NMI: variants seen among roughly 807,000 people sequenced by gnomAD.
NMI encodes N-myc-interactor.
Under a neutral mutation model 34.3 loss-of-function variants are expected in NMI, and 39 were observed. The observed-to-expected ratio is 1.14, with a 90% confidence interval of 0.88 to 1.49. NMI has a LOEUF of 1.49. Among genes scored for constraint, NMI ranks in the 40% most tolerant of loss-of-function variants. The probability of loss-of-function intolerance (pLI) is 0.00; values close to 1 mark genes in which losing one functional copy is unlikely to be tolerated. For synonymous variants in NMI, 113 were observed against 120.3 expected (o/e 0.94, Z 0.40); for missense variants, 339 against 358.1 (o/e 0.95, Z 0.43).
rs4038670 is a variant in NMI, at chr2:151,287,302, ATCTCTC to A, written c.-7+2285_-7+2290del. Among the ~76,000 whole-genome samples the A allele has an allele frequency of 1.9e-4, 27 of 143,844 alleles. No individual in the cohort carries two copies. In the East Asian group the frequency reaches 3.4e-3, roughly 18 times the overall value. 94.4% of individuals were successfully genotyped at this position (143,844 alleles called of 152,430 possible). A position where few individuals can be genotyped will look rare whatever the true frequency, so the allele number is the denominator to read the frequency against. On this transcript the variant is annotated intron_variant, in intron 1 of 7. Coordinates refer to ENST00000243346, the MANE Select transcript of NMI (RefSeq NM_004688.3). ...ATAAGTATATATATATTTAAACCAC[ATCTCTC>A]TCTCTCTCTCTCACACACATACACA...
intron 6 of NMI, among the ~76,000 whole-genome samples, chr2:151,272,222 TA>T (rs1683201285): frequency 3.3e-5 from 5 of 152,288 alleles, no homozygotes; most frequent in African/African-American, 1.2e-4. Context: ...TGAAAGGAAA[TA>T]AAAATTCATC....
chr2:151,276,058 G>A (rs1429829885), intron 4 of NMI, among the ~76,000 whole-genome samples, 194 bp from the exon 5 acceptor site: 1 of 152,036 alleles, frequency 6.6e-6, no homozygotes, highest in Non-Finnish European at 1.5e-5. Context: ...AATTTGGGGG[G>A]TCAGGGGGAA....
intron 1 of NMI, among the ~76,000 whole-genome samples, chr2:151,284,367 C>T (rs552662852): frequency 1.3e-5 from 2 of 152,164 alleles, no homozygotes; most frequent in African/African-American, 4.8e-5. Context: ...GGCATGAACA[C>T]GGCTCACTGC....
At chr2:151,280,137 G>A (rs1683361711) in intron 3 of NMI, among the ~76,000 whole-genome samples, 1 of 146,564 alleles carries the variant, frequency 6.8e-6, no homozygotes, top group African/African-American at 2.5e-5. Context: ...GGATGTTGTA[G>A]TGAACCGAGA....
intron 1 of NMI, among the ~76,000 whole-genome samples, chr2:151,286,811 C>T (rs1683506846): frequency 1.3e-5 from 2 of 152,190 alleles, no homozygotes; most frequent in South Asian, 2.1e-4. Flanking sequence ...CTATAATCAT[C>T]CACACTTCCA....
At chr2:151,286,263 G>A (rs1173845506) in intron 1 of NMI, among the ~76,000 whole-genome samples, 2 of 152,144 alleles carry the variant, frequency 1.3e-5, no homozygotes, top group Admixed American at 1.3e-4. Flanking sequence ...ATCTAAGCAT[G>A]AGGAAACATC....
intron 6 of NMI, among the ~76,000 whole-genome samples, chr2:151,272,327 CA>C (rs1683203735): frequency 6.6e-6 from 1 of 152,116 alleles, no homozygotes; most frequent in Non-Finnish European, 1.5e-5. Flanking sequence ...TAACATTTAA[CA>C]AAAACAGTTC....
intron 3 of NMI, among the ~76,000 whole-genome samples, chr2:151,281,001 T>C (rs572124065): frequency 2.2e-4 from 33 of 152,076 alleles, no homozygotes; most frequent in Admixed American, 5.9e-4. Flanking sequence ...CCACCATGCC[T>C]GGCTAATTTT....
intron 1 of NMI, among the ~76,000 whole-genome samples, chr2:151,284,710 T>A (rs899997235): frequency 3.3e-5 from 5 of 152,136 alleles, no homozygotes; most frequent in Non-Finnish European, 7.3e-5. Flanking sequence ...TTTACTGAGA[T>A]GAAAAACTCT....
chr2:151,270,859 G>A lies in NMI; in HGVS notation c.758C>T (p.Ser253Phe). Residue 253 changes from serine (S) to phenylalanine (F), a missense_variant, in exon 8 of 8, where the codon TCT becomes TTT. Ser to Phe is a radical substitution (Grantham distance 155, BLOSUM62 -2). Transcript: ENST00000243346. ...TCCTGTCAGAAGCACTGTCCTCTTA[G>A]ATGTTCCTGAAAATATCTAAGAAGG... ...LKKYQIFSGTSKRTVLLTGME... is the reference protein window; with the variant it reads ...LKKYQIFSGTFKRTVLLTGME... The A allele has an allele frequency of 1.2e-6, 2 of 1,611,488 alleles. No homozygotes were observed. Among genetic ancestry groups the A allele is most frequent in the Non-Finnish European group, 1.7e-6 (2 of 1,178,892 alleles).
At chr2:151,271,517 T>C in intron 7 of NMI, 109 bp downstream of exon 7, 1 of 705,098 alleles carries the variant, frequency 1.4e-6, no homozygotes, top group Non-Finnish European at 2.5e-6. Context: ...ACCATTTTGC[T>C]ATCCCTCATT....
chr2:151,277,862 C>G (rs1157580316), intron 4 of NMI: 2 of 152,194 alleles, frequency 1.3e-5, no homozygotes, highest in Non-Finnish European at 2.9e-5. Context: ...CACCACATAA[C>G]TTAAATAAAA....
rs775445006 is a variant in NMI, at chr2:151,275,794, G to C, written c.411C>G (p.Ala137=). 1 of 1,613,420 alleles carries C rather than the reference G, an allele frequency of 6.2e-7. No individual in the cohort carries two copies. Among genetic ancestry groups the C allele is most frequent in the Non-Finnish European group, 8.5e-7 (1 of 1,179,702 alleles). The change falls in exon 5 of 8, where the codon GCC becomes GCG. Residue 137 remains alanine, a synonymous_variant. Coordinates refer to ENST00000243346, the MANE Select transcript of NMI (RefSeq NM_004688.3). The stretch of plus-strand genomic sequence containing the variant: ...CTCCTGAATTTAATGGAACTGGCTT[G>C]GCCGTAACCTCCAGATTTACATCTT... ...QIKDVNLEVT[A]KPVPLNSGVR... is the part of the protein sequence containing the mutation.
intron 1 of NMI, among the ~76,000 whole-genome samples, chr2:151,288,061 T>A (rs1262814399): frequency 1.3e-5 from 2 of 152,240 alleles, no homozygotes; most frequent in Non-Finnish European, 2.9e-5. Context: ...ATCTGGATAC[T>A]TTTGCTCTAT....
chr2:151,271,726 T>G lies in NMI; in HGVS notation c.641A>C (p.Asp214Ala), dbSNP rs752704072. The G allele has an allele frequency of 1.3e-6, 2 of 1,519,788 alleles. No homozygotes were observed. Among genetic ancestry groups the G allele is most frequent in the South Asian group, 2.3e-5 (2 of 86,216 alleles). The allele number at this position is 1,519,788 out of a possible 1,614,324, so 94.1% of individuals were successfully genotyped here. A position where few individuals can be genotyped will look rare whatever the true frequency, so the allele number is the denominator to read the frequency against. Reference sequence around the variant, plus strand: ...GTATTCTTTCTTTTTCAAAATCTTGTCAGCCACTAAAAGCAAAACAAAAAC... The same window carrying G: ...GTATTCTTTCTTTTTCAAAATCTTGGCAGCCACTAAAAGCAAAACAAAAAC... The part of the protein sequence containing the change: ...VITFVEIGVA[D>A]KILKKKEYPL... The change falls in exon 7 of 8, where the codon GAC becomes GCC. Residue 214 changes from aspartate (D) to alanine (A), a missense_variant. Transcript: ENST00000243346.
chr2:151,271,481 G>A (rs1393693427), intron 7 of NMI, 145 bp downstream of exon 7: 3 of 640,070 alleles, frequency 4.7e-6, no homozygotes, highest in East Asian at 2.9e-5. Context: ...AACTCATTTT[G>A]CACCAAGCAA....
chr2:151,282,850 C>A lies in NMI; in HGVS notation c.81+18G>T. 1 of 1,221,526 alleles carries A rather than the reference C, an allele frequency of 8.2e-7. No individual in the cohort carries two copies. The highest frequency in any genetic ancestry group is 1.2e-6 in the Non-Finnish European group (1 of 859,740). The allele number at this position is 1,221,526 out of a possible 1,614,324, so 75.7% of individuals were successfully genotyped here. A position where few individuals can be genotyped will look rare whatever the true frequency, so the allele number is the denominator to read the frequency against. On this transcript the variant is annotated intron_variant, in intron 2 of 7. Transcript: ENST00000243346. ...ATATAAAATAATTTTTAATAATACC[C>A]AGTAATTTCCTTTTTACCTTATTTT...
intron 6 of NMI, among the ~76,000 whole-genome samples, chr2:151,272,583 A>G (rs1683207977): frequency 6.6e-6 from 1 of 152,206 alleles, no homozygotes; most frequent in Admixed American, 6.5e-5. Flanking sequence ...TATATACCCG[A>G]AACAACTGAA....
rs1197859175 is a variant in NMI at position 151,270,762 on chromosome 2, A to G, written c.855T>C (p.Asn285=). 1.4e-5 allele frequency: 22 copies of G among 1,614,088 alleles called. No homozygotes were observed. Among genetic ancestry groups the G allele is most frequent in the Non-Finnish European group, 1.9e-5 (22 of 1,179,972 alleles). The change falls in exon 8 of 8, where the codon AAT becomes AAC. Residue 285 remains asparagine (N), a synonymous_variant. Coordinates refer to ENST00000243346, the MANE Select transcript of NMI (RefSeq NM_004688.3). ...LINIHFQRAK[N]GGGEVDVVKC... is the part of the protein sequence containing the mutation. ...TGACCACATCTACTTCTCCACCTCC[A>G]TTCTTTGCCCGTTGAAAGTGAATGT... is the stretch of plus-strand genomic sequence containing the variant.
Sources: gnomAD v4.1 joint callset for allele counts (sites outside exome capture counted in the v4.1 genomes callset) on GRCh38, gnomAD v4.1.1 for gene constraint, MANE v1.5 for transcripts, NCBI Gene and HGNC (gene_info 2026-07-23, HGNC 2026-07-21) for gene names.